OSBPL5: variants seen among roughly 807,000 people sequenced by gnomAD.
OSBPL5 encodes the protein oxysterol binding protein like 5.
In OSBPL5, 71 loss-of-function variants were observed where a neutral mutation model predicts 111.2. The ratio of observed to expected loss-of-function variants is 0.64; its 90% CI spans 0.53 to 0.78. The LOEUF (loss-of-function observed/expected upper bound fraction) is 0.78. Ranked by LOEUF, OSBPL5 falls within the 30% of genes least tolerant of loss-of-function variation. The probability of loss-of-function intolerance (pLI) is 0.00; values close to 1 mark genes in which losing one functional copy is unlikely to be tolerated. For missense variants in OSBPL5, 1,210 were observed against 1,189.3 expected (o/e 1.02, Z -0.26); for synonymous variants, 549 against 513.9 (o/e 1.07, Z -0.93).
chr11:3,116,792 T>C (rs1487512505), intron 7 of OSBPL5, among the ~76,000 whole-genome samples: 1 of 146,922 alleles, frequency 6.8e-6, no homozygotes, highest in Non-Finnish European at 1.5e-5. Flanking sequence ...GAGGTGGAGG[T>C]TGCAGTGAGC....
At chr11:3,114,698 A>ACG (rs1287535695) in intron 7 of OSBPL5, among the ~76,000 whole-genome samples, 1 of 140,134 alleles carries the variant, frequency 7.1e-6, no homozygotes, top group Non-Finnish European at 1.5e-5. Flanking sequence ...TCCTGGGTTC[A>ACG]CGCCATTCTC....
chr11:3,153,987 G>A (rs1027659378), intron 1 of OSBPL5, among the ~76,000 whole-genome samples: 4 of 152,238 alleles, frequency 2.6e-5, no homozygotes, highest in Non-Finnish European at 4.4e-5. Context: ...CAACAGCGCC[G>A]TCAGCCCCGC....
intron 3 of OSBPL5, 91 bp from the exon 4 acceptor site, chr11:3,122,519 C>T (rs1858459642): frequency 3.3e-6 from 4 of 1,195,216 alleles, no homozygotes; most frequent in East Asian, 2.5e-5. Context: ...GATATGAGGG[C>T]AGAAGTCAGA....
rs1857095138 is a variant in OSBPL5 at position 3,092,456 on chromosome 11, C to CG, written c.2234_2235insC (p.Ser747GlnfsTer37). On this transcript the variant is annotated frameshift_variant, in exon 19 of 22. Coordinates refer to ENST00000263650, the MANE Select transcript of OSBPL5 (RefSeq NM_020896.4). LOFTEE classifies it high-confidence loss of function. The surrounding 1 kb of genome is among the most constrained non-coding windows in gnomAD (Gnocchi z 5.4). Reference sequence around the variant, plus strand: ...CCTCGTGCCTGGGCCCTGGGCTGCCCAGGAAGGTGGTCTGGCGGGCCACGG... The same window carrying CG: ...CCTCGTGCCTGGGCCCTGGGCTGCCCGAGGAAGGTGGTCTGGCGGGCCACGG... The CG allele has an allele frequency of 6.3e-7, 1 of 1,580,408 alleles. No individual in the cohort carries two copies. Among genetic ancestry groups the CG allele is most frequent in the African/African-American group, 1.3e-5 (1 of 74,176 alleles).
At chr11:3,163,675 G>A (rs1320678679) in intron 1 of OSBPL5, among the ~76,000 whole-genome samples, 2 of 152,296 alleles carry the variant, frequency 1.3e-5, no homozygotes, top group Non-Finnish European at 2.9e-5. Context: ...CATCTGCAGG[G>A]CAGCCTCTCT....
chr11:3,103,782 C>T (rs1417567256), intron 10 of OSBPL5, among the ~76,000 whole-genome samples: 2 of 59,528 alleles, frequency 3.4e-5, no homozygotes, highest in South Asian at 8.0e-4. Context: ...CCAGCCTCTG[C>T]AGTCCCTTCC....
intron 7 of OSBPL5, among the ~76,000 whole-genome samples, chr11:3,112,516 C>A (rs1858039030): frequency 7.3e-6 from 1 of 136,966 alleles, no homozygotes; most frequent in Non-Finnish European, 1.5e-5. Context: ...GTTATTGCAA[C>A]AGTGGTTACT....
intron 17 of OSBPL5, 142 bp from the exon 18 acceptor site, chr11:3,093,194 T>C (rs1564821603): frequency 1.1e-6 from 1 of 929,546 alleles, no homozygotes; most frequent in East Asian, 2.7e-5. Flanking sequence ...AGCTCACTAC[T>C]TTGAAGAGAG....
In OSBPL5 at chr11:3,088,303, G is replaced by C; in HGVS notation, c.2542C>G (p.Gln848Glu). The change falls in exon 22 of 22, where the codon CAG (glutamine) becomes GAG (glutamate). Residue 848 changes from glutamine to glutamate, a missense_variant. Physicochemically the swap from Gln to Glu is conservative, Grantham distance 29 (BLOSUM62 2). Coordinates refer to ENST00000263650, the MANE Select transcript of OSBPL5 (RefSeq NM_020896.4). ...TGCAGGAGGCCTGGGGTCGGTGCCT[G>C]TGCTGCCCGTGCCGTGGAGCTCAGC... is the stretch of plus-strand genomic sequence containing the variant. ...AMLSSTARAA[Q>E]APTPGLLQSP... The C allele has an allele frequency of 6.2e-7, 1 of 1,603,256 alleles. No individual in the cohort carries two copies. Among genetic ancestry groups the C allele is most frequent in the Non-Finnish European group, 8.5e-7 (1 of 1,175,832 alleles).
At chr11:3,103,866 CCCTTCCTGCCTCTGTAGCCCCA>C in intron 10 of OSBPL5, among the ~76,000 whole-genome samples, 1 of 51,980 alleles carries the variant, frequency 1.9e-5, no homozygotes, top group African/African-American at 5.9e-5. Context: ...CTGCGCAGCC[CCCTTCCTGCCTCTGTAGCCCCA>C]TTCCTGCCTC....
chr11:3,136,598 G>T (rs896468526), intron 1 of OSBPL5, among the ~76,000 whole-genome samples: 2 of 152,250 alleles, frequency 1.3e-5, no homozygotes, highest in South Asian at 2.1e-4. Context: ...GGCCTCAGCT[G>T]GCCACCTTCA....
chr11:3,143,382 C>T lies in OSBPL5; in HGVS notation c.-21-14213G>A, dbSNP rs181419707. 3.7e-4 allele frequency among the ~76,000 whole-genome samples: 57 copies of T among 152,274 alleles called. 3 individuals are homozygous for T. The East Asian group carries it at 0.011, about 28-fold the overall frequency. On this transcript the variant is annotated intron_variant, in intron 1 of 21. Transcript: ENST00000263650. The stretch of plus-strand genomic sequence containing the variant: ...CACACCCAAGAGAAACAAGCACACG[C>T]CCCCAGGTGGTCCGCGCACGCACGC...
chr11:3,154,459 T>C lies in OSBPL5; in HGVS notation c.-22+10757A>G, dbSNP rs1846691431. Among the ~76,000 whole-genome samples, 1 of 152,240 alleles carries C rather than the reference T, an allele frequency of 6.6e-6. No individual in the cohort carries two copies. Among genetic ancestry groups the C allele is most frequent in the Admixed American group, 6.5e-5 (1 of 15,288 alleles). ...CTTCGTTCACCAAGCGGGGGGCCTC[T>C]ACAGCTCGCCCAGGTTCCAGCTGAG... On this transcript the variant is annotated intron_variant, in intron 1 of 21. Transcript: ENST00000263650. The surrounding 1 kb of genome is among the most constrained non-coding windows in gnomAD (Gnocchi z 4.9).
chr11:3,116,385 G>T (rs993923014), intron 7 of OSBPL5, among the ~76,000 whole-genome samples: 2 of 152,146 alleles, frequency 1.3e-5, no homozygotes, highest in Non-Finnish European at 2.9e-5. Flanking sequence ...CTCTTTAGAA[G>T]GTGGTTTTAT....
chr11:3,089,743 C>T, intron 21 of OSBPL5, 103 bp downstream of exon 21: 2 of 1,078,218 alleles, frequency 1.9e-6, no homozygotes, highest in Non-Finnish European at 2.8e-6. Context: ...CGATGACAAC[C>T]CCAGCCGCGG....
rs1444455334 is a variant in OSBPL5, at chr11:3,121,627, A to G, written c.402+370T>C. Among the ~76,000 whole-genome samples, 1 of 152,208 alleles carries G rather than the reference A, an allele frequency of 6.6e-6. No individual in the cohort carries two copies. Among genetic ancestry groups the G allele is most frequent in the African/African-American group, 2.4e-5 (1 of 41,448 alleles). The stretch of plus-strand genomic sequence containing the variant: ...CACGGTCTCCGTGAGGTCTGAACAC[A>G]GGACACCCGGCCCTGATGTGGGGTC... On this transcript the variant is annotated intron_variant, in intron 5 of 21. Coordinates refer to ENST00000263650, the MANE Select transcript of OSBPL5 (RefSeq NM_020896.4). This position sits in a 1 kb window ranked among gnomAD's most constrained non-coding sequence, Gnocchi z 4.3.
chr11:3,159,978 G>A (rs890738552), intron 1 of OSBPL5, among the ~76,000 whole-genome samples: 2 of 152,192 alleles, frequency 1.3e-5, no homozygotes, highest in African/African-American at 4.8e-5. Flanking sequence ...TAGGCCTTCT[G>A]ATCAGATCCG....
rs1286313112 is a variant in OSBPL5 at position 3,142,262 on chromosome 11, G to A, written c.-21-13093C>T. On this transcript the variant is annotated intron_variant, in intron 1 of 21. Coordinates refer to ENST00000263650, the MANE Select transcript of OSBPL5 (RefSeq NM_020896.4). The surrounding 1 kb of genome is among the most constrained non-coding windows in gnomAD (Gnocchi z 7.1). ...CCAAGAGAAGAAGCTGACTCGCCCA[G>A]GGCCACACGGCAGGTTGGTGCAGGA... 6.6e-6 allele frequency among the ~76,000 whole-genome samples: 1 copy of A among 152,232 alleles called. No homozygotes were observed. The highest frequency in any genetic ancestry group is 6.5e-5 in the Admixed American group (1 of 15,282).
intron 13 of OSBPL5, among the ~76,000 whole-genome samples, chr11:3,100,971 C>CTTTT (rs1196891233): frequency 4.0e-4 from 49 of 123,400 alleles, no homozygotes; most frequent in East Asian, 7.2e-4. Context: ...AGTTTCATTT[C>CTTTT]TTTTTTTTTT....
Sources: allele counts gnomAD v4.1 joint callset (sites outside exome capture counted in the v4.1 genomes callset), GRCh38; gene constraint gnomAD v4.1.1; non-coding constraint Gnocchi (gnomAD v3.1); transcripts MANE v1.5; gene names NCBI Gene and HGNC (gene_info 2026-07-23, HGNC 2026-07-21).